Variants in CYRIA observed in about 807,000 individuals in gnomAD.
The protein encoded by CYRIA is CYFIP related Rac1 interactor A, also known as CYFIP-related Rac1 interactor A.
CYRIA carries 15 observed loss-of-function variants against 43.9 expected under a neutral mutation model. The ratio of observed to expected loss-of-function variants is 0.34; its 90% CI spans 0.23 to 0.53. The LOEUF (loss-of-function observed/expected upper bound fraction) is 0.53. Among genes scored for constraint, CYRIA ranks in the 20% least tolerant of loss-of-function variants. CYRIA has a pLI of 0.94. For synonymous variants in CYRIA, 117 were observed against 136.0 expected (o/e 0.86, Z 0.97); for missense variants, 236 against 394.2 (o/e 0.60, Z 3.40).
At chr2:16,612,350 A>G (rs144980216) in intron 2 of CYRIA, among the ~76,000 whole-genome samples, 254 of 152,044 alleles carry the variant, frequency 1.7e-3, no homozygotes, top group Middle Eastern at 6.8e-3. Flanking sequence ...GGAAGGAAGG[A>G]AGGAAATAAG....
chr2:16,642,885 T>G (rs998608193), intron 1 of CYRIA, among the ~76,000 whole-genome samples: 7 of 152,134 alleles, frequency 4.6e-5, no homozygotes, highest in African/African-American at 1.7e-4. Context: ...TGGCCTTCCC[T>G]GCAACAGCCA....
At chr2:16,602,910 T>C (rs7605191) in intron 2 of CYRIA, among the ~76,000 whole-genome samples, 150,702 of 152,098 alleles carry the variant, frequency 0.99, 74,671 homozygotes, top group Middle Eastern at 1. Flanking sequence ...TTGCACACTT[T>C]CCTTCCTTCT....
chr2:16,643,837 A>C (rs1558440127), intron 1 of CYRIA, among the ~76,000 whole-genome samples: 1 of 152,266 alleles, frequency 6.6e-6, no homozygotes, highest in Non-Finnish European at 1.5e-5. Flanking sequence ...TTCCATGATC[A>C]AAGAATATAT....
chr2:16,619,563 C>T (rs112736147), intron 2 of CYRIA, among the ~76,000 whole-genome samples: 4,087 of 152,230 alleles, frequency 0.027, 64 homozygotes, highest in Middle Eastern at 0.075. Context: ...GTTAAATCAG[C>T]GTTTCTGGAT....
chr2:16,590,066 ATG>A (rs1572486027), intron 2 of CYRIA, among the ~76,000 whole-genome samples: 1 of 129,150 alleles, frequency 7.7e-6, no homozygotes, highest in Non-Finnish European at 1.6e-5. Context: ...TTGGGCATGC[ATG>A]CACACACACA....
chr2:16,656,162 C>T (rs146901526), intron 1 of CYRIA, among the ~76,000 whole-genome samples: 52 of 152,186 alleles, frequency 3.4e-4, no homozygotes, highest in Admixed American at 1.9e-3. Flanking sequence ...CATGTACACG[C>T]TTACACATAC....
rs150962502 is a variant in CYRIA, at chr2:16,640,764, G to T, written c.-166-16745C>A. 7.1e-4 allele frequency among the ~76,000 whole-genome samples: 108 copies of T among 152,316 alleles called. 1 individual carries two copies. Among genetic ancestry groups the T allele is most frequent in the African/African-American group, 2.5e-3 (102 of 41,568 alleles). On this transcript the variant is annotated intron_variant, in intron 1 of 11. Coordinates refer to ENST00000381323, the MANE Select transcript of CYRIA (RefSeq NM_030797.4). ...CACCTTTTTAGGTGGACACAGTGCA[G>T]GTAGAGAGTCCTGAAATGCACAGGG...
At chr2:16,584,293 G>T (rs542142417) in intron 3 of CYRIA, among the ~76,000 whole-genome samples, 5 of 152,206 alleles carry the variant, frequency 3.3e-5, no homozygotes, top group African/African-American at 1.2e-4. Context: ...TCTTGTGACT[G>T]CCTGGATAGA....
chr2:16,566,734 G>A (rs2103420407), intron 3 of CYRIA, among the ~76,000 whole-genome samples: 1 of 152,294 alleles, frequency 6.6e-6, no homozygotes, highest in South Asian at 2.1e-4. Context: ...GAGCTAGCAT[G>A]TATTCTTGTT....
At chr2:16,557,684 CTA>C (rs1666575137) in intron 10 of CYRIA, among the ~76,000 whole-genome samples, 1 of 152,150 alleles carries the variant, frequency 6.6e-6, no homozygotes, top group Admixed American at 6.5e-5. Flanking sequence ...TTCATCAAGA[CTA>C]TGCGTGAAGA....
intron 2 of CYRIA, among the ~76,000 whole-genome samples, chr2:16,602,284 T>C (rs1668241304): frequency 6.6e-6 from 1 of 152,210 alleles, no homozygotes; most frequent in African/African-American, 2.4e-5. Flanking sequence ...TTAGCCTCTC[T>C]GGTGCAAAGA....
chr2:16,627,163 T>A lies in CYRIA; in HGVS notation c.-166-3144A>T, dbSNP rs1669196544. On this transcript the variant is annotated intron_variant, in intron 1 of 11. Coordinates refer to ENST00000381323, the MANE Select transcript of CYRIA (RefSeq NM_030797.4). ...CTTCAAACGGCTGCTGCCTTCCCCT[T>A]CTGAATGGCTCTGGAAATAGAAAAG... Among the ~76,000 whole-genome samples, 4 of 152,278 alleles carry A rather than the reference T, an allele frequency of 2.6e-5. No homozygotes were observed. In the South Asian group the frequency reaches 6.2e-4, roughly 24 times the overall value.
At chr2:16,565,175 CTTTTT>C (rs367672971) in intron 4 of CYRIA, among the ~76,000 whole-genome samples, 1 of 139,688 alleles carries the variant, frequency 7.2e-6, no homozygotes. Flanking sequence ...GATTCATGCT[CTTTTT>C]TTTTTTTTTT....
intron 3 of CYRIA, among the ~76,000 whole-genome samples, chr2:16,568,237 A>G (rs1241918766): frequency 2.0e-5 from 3 of 151,622 alleles, no homozygotes; most frequent in African/African-American, 7.3e-5. Flanking sequence ...GAAAAAAAAA[A>G]AAAAAAAAAA....
At chr2:16,618,101 C>G (rs926510698) in intron 2 of CYRIA, among the ~76,000 whole-genome samples, 5 of 152,150 alleles carry the variant, frequency 3.3e-5, no homozygotes, top group East Asian at 3.9e-4. Flanking sequence ...GCTGGGCTAT[C>G]AAGTCAGGCT....
At chr2:16,583,863 A>T (rs1372331635) in intron 3 of CYRIA, among the ~76,000 whole-genome samples, 1 of 152,202 alleles carries the variant, frequency 6.6e-6, no homozygotes. Context: ...TATAGAATGC[A>T]CTGTAAAGGT....
At chr2:16,659,454 T>C (rs1404292) in intron 1 of CYRIA, among the ~76,000 whole-genome samples, 22,669 of 152,298 alleles carry the variant, frequency 0.15, 1,819 homozygotes, top group Non-Finnish European at 0.18. Flanking sequence ...ATGTTTATCA[T>C]TGTCCTGCTG....
chr2:16,638,758 G>A (rs1215930872), intron 1 of CYRIA, among the ~76,000 whole-genome samples: 3 of 152,098 alleles, frequency 2.0e-5, no homozygotes, highest in East Asian at 1.9e-4. Flanking sequence ...TGTCAGGTTT[G>A]TATTTTATAT....
chr2:16,653,650 C>G (rs144099101), intron 1 of CYRIA, among the ~76,000 whole-genome samples: 1 of 152,218 alleles, frequency 6.6e-6, no homozygotes, highest in Non-Finnish European at 1.5e-5. Context: ...CAGAAACAGA[C>G]CCAGAGAAGT....
Sources: allele counts gnomAD v4.1 joint callset (sites outside exome capture counted in the v4.1 genomes callset), GRCh38; gene constraint gnomAD v4.1.1; transcripts MANE v1.5; gene names NCBI Gene and HGNC (gene_info 2026-07-23, HGNC 2026-07-21).